The following STAT1 variants were observed in gnomAD, a reference collection of about 807,000 sequenced individuals.
The protein encoded by STAT1 is signal transducer and activator of transcription 1, also known as signal transducer and activator of transcription 1-alpha/beta.
In STAT1, 24 loss-of-function variants were observed where a neutral mutation model predicts 111.7. The ratio of observed to expected loss-of-function variants is 0.21; its 90% CI spans 0.16 to 0.30. The LOEUF (loss-of-function observed/expected upper bound fraction) is 0.30, where lower values mean the gene tolerates loss of function less well. Ranked by LOEUF, STAT1 falls within the 10% of genes least tolerant of loss-of-function variation. STAT1 has a pLI of 1.00. For missense variants in STAT1, 351 were observed against 911.9 expected (o/e 0.38, Z 7.92); for synonymous variants, 332 against 326.5 (o/e 1.02, Z -0.18).
rs1381009230 is a variant in STAT1, at chr2:190,975,829, C to T, written c.2118G>A (p.Leu706=). The T allele has an allele frequency of 8.1e-6, 13 of 1,614,148 alleles. No individual in the cohort carries two copies. Among genetic ancestry groups the T allele is most frequent in the South Asian group, 1.1e-5 (1 of 91,082 alleles). The change falls in exon 23 of 25, where the codon TTG becomes TTA. Residue 706 remains leucine, a synonymous_variant. Coordinates refer to ENST00000361099, the MANE Select transcript of STAT1 (RefSeq NM_007315.4). The surrounding 1 kb of genome is among the most constrained non-coding windows in gnomAD (Gnocchi z 5.9). The part of the protein sequence containing the change: ...PKGTGYIKTE[L]ISVSEVHPSR... ...TCACTTACACTTCAGACACAGAAAT[C>T]AACTCAGTCTTGATATATCCAGTTC...
Position 190,997,401 on chromosome 2 carries a change from G to C in STAT1, c.785+455C>G, listed in dbSNP as rs1693936008. Among the ~76,000 whole-genome samples, 1 of 152,210 alleles carries C rather than the reference G, an allele frequency of 6.6e-6. No individual in the cohort carries two copies. ...AGAACTCCTTGTTGGCAAGGGCCAA[G>C]AATCACTCATCCTTGTGTGCCCAGG... On this transcript the variant is annotated intron_variant, in intron 9 of 24. Coordinates refer to ENST00000361099, the MANE Select transcript of STAT1 (RefSeq NM_007315.4). This position sits in a 1 kb window ranked among gnomAD's most constrained non-coding sequence, Gnocchi z 7.3.
chr2:191,005,717 T>C (rs771570053), intron 5 of STAT1, among the ~76,000 whole-genome samples: 2 of 152,214 alleles, frequency 1.3e-5, no homozygotes, highest in Non-Finnish European at 2.9e-5. Flanking sequence ...TCTGTATTAA[T>C]AAAATAAAGT....
Position 190,990,696 on chromosome 2 carries a change from A to T in STAT1, c.1037+532T>A, listed in dbSNP as rs1693250575. Among the ~76,000 whole-genome samples the T allele has an allele frequency of 6.6e-6, 1 of 152,230 alleles. No homozygotes were observed. ...CATGTTTGTGCGTGTGTGTTTCCGTATGAAATATATATTTGTGTAGACATG... is the reference window on the plus strand; with the variant it reads ...CATGTTTGTGCGTGTGTGTTTCCGTTTGAAATATATATTTGTGTAGACATG... On this transcript the variant is annotated intron_variant, in intron 11 of 24. Coordinates refer to ENST00000361099, the MANE Select transcript of STAT1 (RefSeq NM_007315.4). The surrounding 1 kb of genome is among the most constrained non-coding windows in gnomAD (Gnocchi z 5.1).
chr2:190,972,493 C>T (rs961096680), intron 24 of STAT1, among the ~76,000 whole-genome samples: 1 of 152,140 alleles, frequency 6.6e-6, no homozygotes, highest in Non-Finnish European at 1.5e-5. Context: ...CAGGCGTTGG[C>T]CCCTGGTACC....
chr2:190,985,484 A>G (rs1692731676), intron 15 of STAT1, 135 bp downstream of exon 15: 1 of 857,270 alleles, frequency 1.2e-6, no homozygotes, highest in South Asian at 1.4e-5. Context: ...GATATACCAA[A>G]TACCCAGCTC....
At chr2:190,985,880 C>T (rs1306230709) in intron 14 of STAT1, among the ~76,000 whole-genome samples, 1 of 152,220 alleles carries the variant, frequency 6.6e-6, no homozygotes, top group Non-Finnish European at 1.5e-5. Flanking sequence ...GGAGGGATCT[C>T]TTGGAATCAC....
In STAT1 at chr2:191,008,944, T is replaced by C; in HGVS notation, c.273+19A>G. On this transcript the variant is annotated intron_variant, in intron 4 of 24. Coordinates refer to ENST00000361099, the MANE Select transcript of STAT1 (RefSeq NM_007315.4). ...AAACATGAGAACATTTCAACTAAAA[T>C]ACAAAAACCAGGTCATACCTGAAGA... is the stretch of plus-strand genomic sequence containing the variant. 3.7e-6 allele frequency: 6 copies of C among 1,612,436 alleles called. No individual in the cohort carries two copies. Among genetic ancestry groups the C allele is most frequent in the South Asian group, 1.1e-5 (1 of 90,946 alleles).
In STAT1 at chr2:190,984,256, C is replaced by T; in HGVS notation, c.1347+54G>A. On this transcript the variant is annotated intron_variant, in intron 16 of 24. Coordinates refer to ENST00000361099, the MANE Select transcript of STAT1 (RefSeq NM_007315.4). The surrounding 1 kb of genome is among the most constrained non-coding windows in gnomAD (Gnocchi z 5.2). ...CACTGAGAAATAAAAATACATGTAA[C>T]AATTAAAAGTAAAAATAATGAAGTT... 1 of 1,372,832 alleles carries T rather than the reference C, an allele frequency of 7.3e-7. No individual in the cohort carries two copies. The highest frequency in any genetic ancestry group is 1.0e-6 in the Non-Finnish European group (1 of 962,462). 85.0% of individuals were successfully genotyped at this position (1,372,832 alleles called of 1,614,324 possible). A position where few individuals can be genotyped will look rare whatever the true frequency, so the allele number is the denominator to read the frequency against.
chr2:190,973,156 T>C lies in STAT1; in HGVS notation c.2238+1674A>G, dbSNP rs1169237619. On this transcript the variant is annotated intron_variant, in intron 24 of 24. Coordinates refer to ENST00000361099, the MANE Select transcript of STAT1 (RefSeq NM_007315.4). This position sits in a 1 kb window ranked among gnomAD's most constrained non-coding sequence, Gnocchi z 4.4. ...AAAGGCCATGATGCCTTTGTCTTAA[T>C]AACAGAATAAACCCAATCCTGTACA... Among the ~76,000 whole-genome samples, 1 of 152,138 alleles carries C rather than the reference T, an allele frequency of 6.6e-6. No homozygotes were observed. The highest frequency in any genetic ancestry group is 2.4e-5 in the African/African-American group (1 of 41,424).
rs983033962 is a variant in STAT1, at chr2:191,003,748, G to A, written c.373-2585C>T. 1.2e-4 allele frequency among the ~76,000 whole-genome samples: 19 copies of A among 152,268 alleles called. No homozygotes were observed. The highest frequency in any genetic ancestry group is 2.1e-4 in the Non-Finnish European group (14 of 68,026). On this transcript the variant is annotated intron_variant, in intron 5 of 24. Transcript: ENST00000361099. This position sits in a 1 kb window ranked among gnomAD's most constrained non-coding sequence, Gnocchi z 4.0. ...AACCTCTTTTCTTATAAATTACCCA[G>A]TCTCAGGTATTTCTTTATAGCCATG...
chr2:191,005,926 A>G (rs1004959164), intron 5 of STAT1, among the ~76,000 whole-genome samples: 1 of 152,222 alleles, frequency 6.6e-6, no homozygotes, highest in African/African-American at 2.4e-5. Context: ...GAGAGGCTCA[A>G]AACAATCCCC....
chr2:190,991,152 C>A, intron 11 of STAT1, 76 bp downstream of exon 11: 1 of 1,394,072 alleles, frequency 7.2e-7, no homozygotes, highest in East Asian at 2.3e-5. Context: ...CCCTATATAA[C>A]AGTTTTTATA....
rs552473965 is a variant in STAT1 at position 190,980,990 on chromosome 2, C to T, written c.1583-321G>A. 4.5e-4 allele frequency among the ~76,000 whole-genome samples: 68 copies of T among 152,294 alleles called. No homozygotes were observed. Among genetic ancestry groups the T allele is most frequent in the Middle Eastern group, 3.4e-3 (1 of 294 alleles). On this transcript the variant is annotated intron_variant, in intron 18 of 24. Coordinates refer to ENST00000361099, the MANE Select transcript of STAT1 (RefSeq NM_007315.4). This position sits in a 1 kb window ranked among gnomAD's most constrained non-coding sequence, Gnocchi z 6.1. ...AAAGCGGAAACATCACAAAGCCTTA[C>T]CATCTGCTCTCTCCCTCCCCAGCCC...
rs1694132921 is a variant in STAT1, at chr2:190,999,850, T to A, written c.463-146A>T. On this transcript the variant is annotated intron_variant, in intron 6 of 24. Coordinates refer to ENST00000361099, the MANE Select transcript of STAT1 (RefSeq NM_007315.4). The surrounding 1 kb of genome is among the most constrained non-coding windows in gnomAD (Gnocchi z 4.1). Reference sequence around the variant, plus strand: ...AGAGATCTGACTTGGACAGTTCTAATCATATACATGAAATAATTTCGGTTT... The same window carrying A: ...AGAGATCTGACTTGGACAGTTCTAAACATATACATGAAATAATTTCGGTTT... The A allele has an allele frequency of 1.5e-6, 1 of 646,910 alleles. No homozygotes were observed. The highest frequency in any genetic ancestry group is 1.8e-5 in the African/African-American group (1 of 54,422). The allele number at this position is 646,910 out of a possible 1,614,324, so 40.1% of individuals were successfully genotyped here.
chr2:190,991,849 CCT>C (rs1182314514), intron 10 of STAT1, among the ~76,000 whole-genome samples: 2 of 151,618 alleles, frequency 1.3e-5, no homozygotes, highest in Non-Finnish European at 2.9e-5. Context: ...AGAGTGAGGC[CCT>C]GTCTCAAAAA....
In STAT1 at chr2:190,979,876, T is replaced by G; in HGVS notation, c.1633-10A>C. On this transcript the variant is annotated splice_polypyrimidine_tract_variant and intron_variant, in intron 19 of 24. Transcript: ENST00000361099. This position sits in a 1 kb window ranked among gnomAD's most constrained non-coding sequence, Gnocchi z 5.8. ...TATCATTTATATTTTCCTGAAAGTA[T>G]ACAAATGCAGACATTATGAACAAAA... The G allele has an allele frequency of 6.4e-7, 1 of 1,567,824 alleles. No homozygotes were observed. Among genetic ancestry groups the G allele is most frequent in the Non-Finnish European group, 8.8e-7 (1 of 1,138,052 alleles).
At position 190,978,026 on chromosome 2, in the gene STAT1, A is replaced by G. The variant is rs1264670983; in HGVS notation, c.1873+830T>C. ...AGTATTCCAGAAAAACAAACAGAAC[A>G]AGAAGAGTATGGCAGAAAAACAAAT... On this transcript the variant is annotated intron_variant, in intron 21 of 24. Coordinates refer to ENST00000361099, the MANE Select transcript of STAT1 (RefSeq NM_007315.4). The surrounding 1 kb of genome is among the most constrained non-coding windows in gnomAD (Gnocchi z 6.1). Among the ~76,000 whole-genome samples, 1 of 152,200 alleles carries G rather than the reference A, an allele frequency of 6.6e-6. No individual in the cohort carries two copies. The highest frequency in any genetic ancestry group is 1.5e-5 in the Non-Finnish European group (1 of 68,022).
In STAT1 at chr2:190,989,506, C is replaced by G. The variant is rs924174841; in HGVS notation, c.1097+109G>C. 8 of 783,892 alleles carry G rather than the reference C, an allele frequency of 1.0e-5. No homozygotes were observed. The highest frequency in any genetic ancestry group is 1.7e-5 in the Non-Finnish European group (8 of 478,658). The allele number at this position is 783,892 out of a possible 1,614,324, so 48.6% of individuals were successfully genotyped here. On this transcript the variant is annotated intron_variant, in intron 12 of 24. Coordinates refer to ENST00000361099, the MANE Select transcript of STAT1 (RefSeq NM_007315.4). This position sits in a 1 kb window ranked among gnomAD's most constrained non-coding sequence, Gnocchi z 5.0. ...GAGGCAAACTTCCACCCAGTATAGA[C>G]CCTTCCACAGCTAGAAATCTGCTTA...
In STAT1 at chr2:191,013,522, G is replaced by A. The variant is rs961694830; in HGVS notation, c.-2+3C>T. On this transcript the variant is annotated splice_donor_region_variant and intron_variant, in intron 2 of 24. Coordinates refer to ENST00000361099, the MANE Select transcript of STAT1 (RefSeq NM_007315.4). ...TCATCTGATTCCATGAACATTTACT[G>A]ACCTGCCACCTTGTGCCCCAACAAG... The A allele has an allele frequency of 5.0e-6, 2 of 397,862 alleles. No homozygotes were observed. The highest frequency in any genetic ancestry group is 4.1e-5 in the African/African-American group (2 of 48,602). 24.6% of individuals were successfully genotyped at this position (397,862 alleles called of 1,614,324 possible).
Sources: allele counts gnomAD v4.1 joint callset (sites outside exome capture counted in the v4.1 genomes callset), GRCh38; gene constraint gnomAD v4.1.1; non-coding constraint Gnocchi (gnomAD v3.1); transcripts MANE v1.5; gene names NCBI Gene and HGNC (gene_info 2026-07-23, HGNC 2026-07-21).